MIS18A: variants seen among roughly 807,000 people sequenced by gnomAD.
The protein encoded by MIS18A is MIS18 kinetochore protein A, also known as protein Mis18-alpha.
A neutral mutation model predicts 25.0 loss-of-function variants in MIS18A; 14 were observed. That is an observed-to-expected ratio of 0.56 (90% CI 0.37 to 0.88). The LOEUF is 0.88. Ranked by LOEUF, MIS18A falls within the 40% of genes least tolerant of loss-of-function variation. The pLI is 0.00. For synonymous variants in MIS18A, 134 were observed against 118.6 expected (o/e 1.13, Z -0.84); for missense variants, 292 against 290.8 (o/e 1.00, Z -0.03).
chr21:32,278,105 C>A (rs1365506674), intron 1 of MIS18A: 1 of 152,360 alleles, frequency 6.6e-6, no homozygotes, highest in Admixed American at 6.5e-5. Flanking sequence ...ACTGCTAGAA[C>A]CAGGATTAGA....
At chr21:32,241,136 A>G in the MIS18A span, among the ~76,000 whole-genome samples, 1 of 152,206 alleles carries the variant, frequency 6.6e-6, no homozygotes, top group Non-Finnish European at 1.5e-5. Flanking sequence ...ATATTTTTTC[A>G]GAGTCAACAT....
At chr21:32,193,310 T>C in the MIS18A span, among the ~76,000 whole-genome samples, 26 of 152,242 alleles carry the variant, frequency 1.7e-4, no homozygotes, top group African/African-American at 6.0e-4. Flanking sequence ...ACTGTGTTCG[T>C]GGGTTCTTCC....
the MIS18A span, among the ~76,000 whole-genome samples, chr21:32,224,079 C>A: frequency 2.6e-5 from 4 of 152,122 alleles, no homozygotes; most frequent in East Asian, 7.7e-4. Flanking sequence ...ATTCAACTTC[C>A]CTTCATGCTA....
intron 1 of MIS18A, among the ~76,000 whole-genome samples, 164 bp from the exon 2 acceptor site, chr21:32,275,060 T>C (rs964581387): frequency 3.9e-5 from 6 of 152,264 alleles, no homozygotes; most frequent in African/African-American, 1.4e-4. Flanking sequence ...TGGGGTCTTC[T>C]GGGAAAAGAT....
At chr21:32,235,789 A>C in the MIS18A span, among the ~76,000 whole-genome samples, 5 of 152,244 alleles carry the variant, frequency 3.3e-5, no homozygotes, top group African/African-American at 1.2e-4. Flanking sequence ...TCCTCAACCC[A>C]CCATGGAGAA....
At chr21:32,233,014 GA>G in the MIS18A span, among the ~76,000 whole-genome samples, 6 of 152,294 alleles carry the variant, frequency 3.9e-5, no homozygotes, top group African/African-American at 1.4e-4. Flanking sequence ...GTTTCTATTT[GA>G]AAACAGGAAA....
the MIS18A span, among the ~76,000 whole-genome samples, chr21:32,207,075 C>A: frequency 6.6e-6 from 1 of 152,204 alleles, no homozygotes; most frequent in South Asian, 2.1e-4. Context: ...CTAAATTCCA[C>A]GCCTGCGCCC....
At chr21:32,222,005 TAA>T in the MIS18A span, among the ~76,000 whole-genome samples, 1 of 151,992 alleles carries the variant, frequency 6.6e-6, no homozygotes, top group Admixed American at 6.6e-5. Context: ...GCAAATTGGA[TAA>T]AGAGTCAAGA....
chr21:32,211,299 C>A, the MIS18A span, among the ~76,000 whole-genome samples: 1 of 152,198 alleles, frequency 6.6e-6, no homozygotes, highest in African/African-American at 2.4e-5. Context: ...CCTTGGCCTC[C>A]CAAAGTTCTG....
At chr21:32,215,550 C>A in the MIS18A span, among the ~76,000 whole-genome samples, 4 of 152,104 alleles carry the variant, frequency 2.6e-5, no homozygotes, top group African/African-American at 9.7e-5. Flanking sequence ...GGATATCTCA[C>A]CCCAGCTGAA....
At chr21:32,183,696 T>C in the MIS18A span, among the ~76,000 whole-genome samples, 131 of 152,292 alleles carry the variant, frequency 8.6e-4, 1 homozygote, top group Admixed American at 1.8e-3. Context: ...TTGTTTCAGA[T>C]CCAAAACAAT....
chr21:32,231,951 T>C, the MIS18A span, among the ~76,000 whole-genome samples: 6 of 152,232 alleles, frequency 3.9e-5, no homozygotes, highest in South Asian at 8.3e-4. Context: ...AGTTACCATA[T>C]GACCCAGCAA....
chr21:32,255,424 G>A, the MIS18A span, among the ~76,000 whole-genome samples: 2 of 151,406 alleles, frequency 1.3e-5, no homozygotes, highest in Non-Finnish European at 2.9e-5. Flanking sequence ...GTAGAGATGC[G>A]GTTTCCCCAT....
the MIS18A span, chr21:32,261,506 A>G: frequency 6.6e-6 from 1 of 152,242 alleles, no homozygotes; most frequent in Non-Finnish European, 1.5e-5. Flanking sequence ...GAGTGGTTAG[A>G]GAATGAAGAT....
chr21:32,205,757 G>T, the MIS18A span, among the ~76,000 whole-genome samples: 1 of 152,142 alleles, frequency 6.6e-6, no homozygotes, highest in Non-Finnish European at 1.5e-5. Flanking sequence ...TGCCTGAGGG[G>T]GTTGGCAGCT....
At chr21:32,207,565 T>C in the MIS18A span, among the ~76,000 whole-genome samples, 1 of 152,238 alleles carries the variant, frequency 6.6e-6, no homozygotes, top group Admixed American at 6.5e-5. Context: ...CATTTTCTGC[T>C]AATCTGCCTG....
chr21:32,266,061 T>A (rs554626212), downstream of MIS18A, among the ~76,000 whole-genome samples: 2 of 151,800 alleles, frequency 1.3e-5, no homozygotes, highest in Admixed American at 1.3e-4. Flanking sequence ...GGAGAACCTT[T>A]ATGTCTAGCT....
At chr21:32,185,846 T>C in the MIS18A span, among the ~76,000 whole-genome samples, 1 of 152,136 alleles carries the variant, frequency 6.6e-6, no homozygotes, top group Non-Finnish European at 1.5e-5. Flanking sequence ...GCTAGACTCA[T>C]CACTTGGCAA....
the MIS18A span, among the ~76,000 whole-genome samples, chr21:32,255,790 T>C: frequency 6.6e-6 from 1 of 151,236 alleles, no homozygotes; most frequent in East Asian, 2.0e-4. Flanking sequence ...ACTCGGGAGG[T>C]TGAGGCAGGA....
Sources: gnomAD v4.1 joint callset for allele counts (sites outside exome capture counted in the v4.1 genomes callset) on GRCh38, gnomAD v4.1.1 for gene constraint, MANE v1.5 for transcripts, NCBI Gene and HGNC (gene_info 2026-07-23, HGNC 2026-07-21) for gene names.